Variants in ATM observed in about 807,000 individuals in gnomAD.
The protein encoded by ATM is ATM serine/threonine kinase, also known as serine-protein kinase ATM.
In ATM, 308 loss-of-function variants were observed where a neutral mutation model predicts 387.0. The observed-to-expected ratio is 0.80, with a 90% CI of 0.73 to 0.87. The LOEUF is 0.87. Among genes scored for constraint, ATM ranks in the 40% least tolerant of loss-of-function variants. The pLI, the probability that ATM is intolerant of heterozygous loss-of-function variation, is 0.00. For synonymous variants in ATM, 1,156 were observed against 1,187.3 expected (o/e 0.97, Z 0.54); for missense variants, 3,312 against 3,560.9 (o/e 0.93, Z 1.78).
At chr11:108,236,791 G>A (rs2079301508) in intron 5 of ATM, among the ~76,000 whole-genome samples, 1 of 152,160 alleles carries the variant, frequency 6.6e-6, no homozygotes, top group Non-Finnish European at 1.5e-5. Flanking sequence ...TTATAGCTGG[G>A]AGGTACTGAG....
At chr11:108,323,553 T>G (rs760942571) in intron 45 of ATM, among the ~76,000 whole-genome samples, 4 of 152,282 alleles carry the variant, frequency 2.6e-5, no homozygotes, top group Non-Finnish European at 5.9e-5. Flanking sequence ...AAAAGAAGAT[T>G]TGGAATGTTT....
At chr11:108,233,690 T>A (rs2079130560) in intron 4 of ATM, among the ~76,000 whole-genome samples, 1 of 150,324 alleles carries the variant, frequency 6.7e-6, no homozygotes, top group South Asian at 2.1e-4. Context: ...TTAAAAAAAC[T>A]AAAAAAATTA....
intron 5 of ATM, among the ~76,000 whole-genome samples, chr11:108,237,207 A>G (rs775489167): frequency 5.1e-4 from 78 of 152,194 alleles, no homozygotes; most frequent in South Asian, 1.4e-3. Context: ...GTTACTCTGA[A>G]CACAAGATAG....
chr11:108,249,418 T>C (rs1377132152), intron 9 of ATM, among the ~76,000 whole-genome samples: 4 of 152,354 alleles, frequency 2.6e-5, no homozygotes, highest in South Asian at 2.1e-4. Context: ...GCTTCAACAA[T>C]AGATTTTAGC....
At chr11:108,237,281 T>C (rs1487176284) in intron 5 of ATM, among the ~76,000 whole-genome samples, 2 of 152,288 alleles carry the variant, frequency 1.3e-5, no homozygotes, top group South Asian at 4.2e-4. Context: ...GCTGGTGATA[T>C]CTAGGTTACC....
chr11:108,320,668 T>G (rs187283113), intron 44 of ATM, among the ~76,000 whole-genome samples: 3 of 152,282 alleles, frequency 2.0e-5, no homozygotes, highest in Admixed American at 1.3e-4. Flanking sequence ...CAGCTATAAG[T>G]GACAGAACTG....
chr11:108,304,621 T>G, intron 36 of ATM, 54 bp from the exon 37 acceptor site: 3 of 1,532,546 alleles, frequency 2.0e-6, no homozygotes, highest in Non-Finnish European at 2.7e-6. Flanking sequence ...TAAAATGTAT[T>G]AATTTTACTC....
At chr11:108,357,730 G>A (rs1490002973) in intron 61 of ATM, among the ~76,000 whole-genome samples, 2 of 152,164 alleles carry the variant, frequency 1.3e-5, no homozygotes, top group African/African-American at 2.4e-5. Context: ...CTGCAGCTGA[G>A]GGTCTTGTCT....
At chr11:108,286,942 G>A (rs918688099) in intron 26 of ATM, among the ~76,000 whole-genome samples, 3 of 152,124 alleles carry the variant, frequency 2.0e-5, no homozygotes, top group Non-Finnish European at 4.4e-5. Context: ...TAACTAAAGT[G>A]CAACATAGCA....
At chr11:108,332,389 G>A (rs374091481) in intron 52 of ATM, among the ~76,000 whole-genome samples, 29 of 152,060 alleles carry the variant, frequency 1.9e-4, no homozygotes, top group Non-Finnish European at 3.8e-4. Flanking sequence ...CCAAGGTTGC[G>A]CCATTGCACT....
At chr11:108,232,874 T>G (rs1296990575) in intron 4 of ATM, among the ~76,000 whole-genome samples, 1 of 151,130 alleles carries the variant, frequency 6.6e-6, no homozygotes, top group Non-Finnish European at 1.5e-5. Context: ...TTCTTTTTTT[T>G]TTTTTGAGAC....
chr11:108,228,722 A>C (rs191220719), intron 3 of ATM, among the ~76,000 whole-genome samples: 1 of 152,198 alleles, frequency 6.6e-6, no homozygotes, highest in Non-Finnish European at 1.5e-5. Context: ...GATGAATACT[A>C]TTTTGTATAA....
intron 32 of ATM, chr11:108,296,115 T>C (rs2083105497): frequency 6.6e-6 from 1 of 152,244 alleles, no homozygotes; most frequent in South Asian, 2.1e-4. Context: ...TATGTGTGTC[T>C]ATATATATGT....
At position 108,367,909 on chromosome 11, in the gene ATM, A is replaced by G. The variant is rs973727870; in HGVS notation, c.*2401A>G. ...TTTATTACTATAGTAAATCAAGGAA[A>G]TGCAGTAAACTTAAAATGTCTTTAA... On this transcript the variant is annotated 3_prime_UTR_variant, in exon 63 of 63. Coordinates refer to ENST00000675843, the MANE Select transcript of ATM (RefSeq NM_000051.4). 9.7e-6 allele frequency: 2 copies of G among 206,072 alleles called. No individual in the cohort carries two copies. The highest frequency in any genetic ancestry group is 1.2e-4 in the Admixed American group (2 of 16,802). 12.8% of individuals were successfully genotyped at this position (206,072 alleles called of 1,614,324 possible). A position where few individuals can be genotyped will look rare whatever the true frequency, so the allele number is the denominator to read the frequency against.
chr11:108,247,068 T>A lies in ATM; in HGVS notation c.1006T>A (p.Phe336Ile). Residue 336 changes from phenylalanine (F) to isoleucine (I), a missense_variant, in exon 8 of 63, where the codon TTT becomes ATT. By Grantham distance (21) the Phe-to-Ile change is conservative. Coordinates refer to ENST00000675843, the MANE Select transcript of ATM (RefSeq NM_000051.4). Reference sequence around the variant, plus strand: ...AAGTAGAGGAAAGTATTCTTCAGGATTTCGTAATATTGCCGTCAAAGAAAA... The same window carrying A: ...AAGTAGAGGAAAGTATTCTTCAGGAATTCGTAATATTGCCGTCAAAGAAAA... Reference protein sequence around the residue: ...IGSRGKYSSGFRNIAVKENLI... With the variant: ...IGSRGKYSSGIRNIAVKENLI... The A allele has an allele frequency of 6.2e-7, 1 of 1,613,980 alleles. No individual in the cohort carries two copies. Among genetic ancestry groups the A allele is most frequent in the Non-Finnish European group, 8.5e-7 (1 of 1,179,950 alleles).
At chr11:108,298,134 C>G (rs2083222921) in intron 33 of ATM, among the ~76,000 whole-genome samples, 1 of 152,138 alleles carries the variant, frequency 6.6e-6, no homozygotes, top group Non-Finnish European at 1.5e-5. Flanking sequence ...AAATAAGAAG[C>G]CAACATCATC....
At chr11:108,305,053 A>G (rs1011598173) in intron 37 of ATM, among the ~76,000 whole-genome samples, 1 of 152,214 alleles carries the variant, frequency 6.6e-6, no homozygotes, top group African/African-American at 2.4e-5. Context: ...AGTGCCTAGG[A>G]TAGTACTTGA....
chr11:108,320,648 C>T (rs2085138720), intron 44 of ATM, among the ~76,000 whole-genome samples: 1 of 152,098 alleles, frequency 6.6e-6, no homozygotes, highest in African/African-American at 2.4e-5. Context: ...GTAACATGCC[C>T]AAAGTTACAC....
At chr11:108,276,004 G>A (rs1290429103) in intron 22 of ATM, among the ~76,000 whole-genome samples, 2 of 152,130 alleles carry the variant, frequency 1.3e-5, no homozygotes, top group African/African-American at 4.8e-5. Flanking sequence ...CCAGACAAAC[G>A]TAGATTTAGT....
Sources: allele counts gnomAD v4.1 joint callset (sites outside exome capture counted in the v4.1 genomes callset), GRCh38; gene constraint gnomAD v4.1.1; transcripts MANE v1.5; gene names NCBI Gene and HGNC (gene_info 2026-07-23, HGNC 2026-07-21).